The following IL34 variants were observed in gnomAD, a reference collection of about 807,000 sequenced individuals.
IL34 encodes interleukin 34.
IL34 carries 17 observed loss-of-function variants against 25.3 expected under a neutral mutation model. That is an observed-to-expected ratio of 0.67 (90% CI 0.46 to 1.01). The LOEUF is 1.01. Among genes scored for constraint, IL34 ranks in the 50% least tolerant of loss-of-function variants. IL34 has a pLI of 0.00. For missense variants in IL34, 368 were observed against 312.9 expected, an observed-to-expected ratio of 1.18 and a Z score of -1.33; for synonymous variants, 174 against 140.9, an observed-to-expected ratio of 1.23 and a Z score of -1.66.
intron 2 of IL34, 82 bp from the exon 3 acceptor site, chr16:70,656,518 TAA>T: frequency 1.2e-6 from 1 of 833,600 alleles, no homozygotes; most frequent in Non-Finnish European, 2.1e-6. Context: ...GACTAACTGT[TAA>T]AAAAAACATC....
At position 70,657,007 on chromosome 16, in the gene IL34, G is replaced by C. The variant is rs780354617; in HGVS notation, c.288G>C (p.Leu96Phe). Residue 96 changes from leucine (L) to phenylalanine (F), a missense_variant, in exon 4 of 6, where the codon TTG becomes TTC. Coordinates refer to ENST00000288098, the MANE Select transcript of IL34 (RefSeq NM_001393494.1). The part of the protein sequence containing the change: ...SERELRYLWV[L>F]VSLSATESVQ... ...GGGAGCTGCGGTATCTGTGGGTCTT[G>C]GTGAGCCTCAGTGCCACTGAGTCGG... 11 of 1,612,196 alleles carry C rather than the reference G, an allele frequency of 6.8e-6. No individual in the cohort carries two copies. The highest frequency in any genetic ancestry group is 8.5e-6 in the Non-Finnish European group (10 of 1,179,954).
chr16:70,637,666 A>G (rs1397438216), intron 1 of IL34, among the ~76,000 whole-genome samples: 1 of 152,168 alleles, frequency 6.6e-6, no homozygotes, highest in Non-Finnish European at 1.5e-5. Context: ...TATATGTGGT[A>G]TGAGATAAGG....
intron 1 of IL34, among the ~76,000 whole-genome samples, chr16:70,620,528 T>C (rs1338020214): frequency 6.6e-6 from 1 of 151,838 alleles, no homozygotes. Flanking sequence ...AGAGGTCAGA[T>C]GGGTCTGTAG....
intron 1 of IL34, among the ~76,000 whole-genome samples, chr16:70,623,697 G>A (rs1342366752): frequency 1.3e-5 from 2 of 151,758 alleles, no homozygotes; most frequent in Admixed American, 1.3e-4. Flanking sequence ...GAAGAAGGGT[G>A]GCAATGAGAT....
At chr16:70,600,640 T>C (rs1366087162) in intron 1 of IL34, among the ~76,000 whole-genome samples, 1 of 152,230 alleles carries the variant, frequency 6.6e-6, no homozygotes, top group Non-Finnish European at 1.5e-5. Flanking sequence ...CCCACATCTT[T>C]CTCAATGGTG....
chr16:70,653,387 A>G (rs1432105559), intron 1 of IL34, among the ~76,000 whole-genome samples: 1 of 151,096 alleles, frequency 6.6e-6, no homozygotes, highest in East Asian at 1.9e-4. Context: ...AAAACCACAA[A>G]CACAAAAACT....
At chr16:70,631,965 C>G (rs1274122895) in intron 1 of IL34, among the ~76,000 whole-genome samples, 1 of 151,796 alleles carries the variant, frequency 6.6e-6, no homozygotes, top group South Asian at 2.1e-4. Context: ...GCTGAGTGTG[C>G]TGTTGTGTAC....
intron 1 of IL34, among the ~76,000 whole-genome samples, chr16:70,628,034 T>A (rs942340282): frequency 6.6e-6 from 1 of 152,256 alleles, no homozygotes; most frequent in Non-Finnish European, 1.5e-5. Flanking sequence ...CAAGTAGATA[T>A]GTGACAATTT....
chr16:70,584,641 C>A (rs949941769), intron 1 of IL34, among the ~76,000 whole-genome samples: 4 of 152,170 alleles, frequency 2.6e-5, no homozygotes, highest in African/African-American at 9.6e-5. Context: ...TCAATTATTC[C>A]CTTGCCTCTT....
rs563697592 is a variant in IL34 at position 70,615,506 on chromosome 16, A to AAAAT, written c.-400-31018_-400-31015dup. Among the ~76,000 whole-genome samples the AAAAT allele has an allele frequency of 3.2e-3, 487 of 152,136 alleles. 4 individuals carry two copies. Among genetic ancestry groups the AAAAT allele is most frequent in the African/African-American group, 8.5e-3 (352 of 41,510 alleles). On this transcript the variant is annotated intron_variant, in intron 1 of 6. Coordinates refer to the IL34 transcript ENST00000429149. The stretch of plus-strand genomic sequence containing the variant: ...TGGCAACAGAGCAAGACTCCGTCTC[A>AAAAT]AAATAAATAAATAAATAAATAAATA...
chr16:70,627,167 C>T (rs1015259809), intron 1 of IL34, among the ~76,000 whole-genome samples: 2 of 152,090 alleles, frequency 1.3e-5, no homozygotes, highest in Non-Finnish European at 2.9e-5. Context: ...GATGTTCTTC[C>T]CCTTATATGT....
chr16:70,608,033 G>T (rs909439616), intron 1 of IL34, among the ~76,000 whole-genome samples: 68 of 152,078 alleles, frequency 4.5e-4, no homozygotes, highest in Middle Eastern at 3.4e-3. Flanking sequence ...TTCCCAAAGT[G>T]CTGGGATTAC....
At chr16:70,650,222 G>T (rs151143618) in intron 1 of IL34, among the ~76,000 whole-genome samples, 64 of 152,306 alleles carry the variant, frequency 4.2e-4, no homozygotes, top group African/African-American at 1.4e-3. Context: ...GTGGCCTTGA[G>T]GTTGGGGCTG....
chr16:70,629,178 TC>T (rs2051463029), intron 1 of IL34, among the ~76,000 whole-genome samples: 1 of 152,218 alleles, frequency 6.6e-6, no homozygotes, highest in South Asian at 2.1e-4. Context: ...CCTATTTAAC[TC>T]TTGTATCTCT....
intron 4 of IL34, among the ~76,000 whole-genome samples, chr16:70,658,208 C>T (rs1295355995): frequency 2.0e-5 from 3 of 152,244 alleles, no homozygotes; most frequent in Non-Finnish European, 4.4e-5. Flanking sequence ...GGCTTAGGGA[C>T]TAGCACCTGT....
At chr16:70,656,836 G>A in intron 3 of IL34, 124 bp from the exon 4 acceptor site, 1 of 1,176,938 alleles carries the variant, frequency 8.5e-7, no homozygotes, top group Non-Finnish European at 1.2e-6. Flanking sequence ...GCACATGTTT[G>A]TCCACTGTCC....
rs968797189 is a variant in IL34 at position 70,620,296 on chromosome 16, G to A, written c.-400-26252G>A. Reference sequence around the variant, plus strand: ...ATACTTGATGAAAAAGAGCCTAAACGCTATCTGATTTGGGATAAAGAAAAA... The same window carrying A: ...ATACTTGATGAAAAAGAGCCTAAACACTATCTGATTTGGGATAAAGAAAAA... On this transcript the variant is annotated intron_variant, in intron 1 of 6. Coordinates refer to the IL34 transcript ENST00000429149. Among the ~76,000 whole-genome samples the A allele has an allele frequency of 2.6e-5, 4 of 152,046 alleles. No homozygotes were observed. In the East Asian group the frequency reaches 5.8e-4, roughly 22 times the overall value.
At chr16:70,611,193 GTCTCGAAC>G (rs1205623637) in intron 1 of IL34, among the ~76,000 whole-genome samples, 4 of 152,170 alleles carry the variant, frequency 2.6e-5, no homozygotes, top group African/African-American at 9.6e-5. Flanking sequence ...GCCCAGGCTG[GTCTCGAAC>G]TCCTGTGCTC....
chr16:70,618,135 A>C (rs1166397620), intron 1 of IL34, among the ~76,000 whole-genome samples: 1 of 152,180 alleles, frequency 6.6e-6, no homozygotes, highest in African/African-American at 2.4e-5. Context: ...AATGGAAAGG[A>C]AATGAGAGGT....
Sources: allele counts gnomAD v4.1 joint callset (sites outside exome capture counted in the v4.1 genomes callset), GRCh38; gene constraint gnomAD v4.1.1; transcripts MANE v1.5; gene names NCBI Gene and HGNC (gene_info 2026-07-23, HGNC 2026-07-21).